COG5: variants seen among roughly 807,000 people sequenced by gnomAD.
COG5 encodes conserved oligomeric Golgi complex subunit 5.
A neutral mutation model predicts 110.4 loss-of-function variants in COG5; 86 were observed. That is an observed-to-expected ratio of 0.78 (90% CI 0.65 to 0.93). COG5 has a LOEUF of 0.93. Among genes scored for constraint, COG5 ranks in the 40% least tolerant of loss-of-function variants. The pLI is 0.00. For missense variants in COG5, 1,077 were observed against 987.0 expected (o/e 1.09, Z -1.22); for synonymous variants, 360 against 334.6 (o/e 1.08, Z -0.83).
chr7:107,222,446 C>T (rs1345757893), intron 19 of COG5, among the ~76,000 whole-genome samples: 1 of 152,150 alleles, frequency 6.6e-6, no homozygotes, highest in South Asian at 2.1e-4. Flanking sequence ...CCTCGTGATC[C>T]GCCCACCTCG....
At chr7:107,381,660 C>A (rs772803321) in intron 7 of COG5, among the ~76,000 whole-genome samples, 5 of 152,050 alleles carry the variant, frequency 3.3e-5, no homozygotes, top group East Asian at 3.8e-4. Context: ...TTGGAGATTG[C>A]GACATTGGAA....
At chr7:107,539,141 A>T (rs965580469) in intron 5 of COG5, among the ~76,000 whole-genome samples, 1 of 152,156 alleles carries the variant, frequency 6.6e-6, no homozygotes, top group African/African-American at 2.4e-5. Context: ...AAAAAAAATT[A>T]GCTGGGCATG....
intron 6 of COG5, among the ~76,000 whole-genome samples, chr7:107,427,658 CCTGCCA>C (rs1793738660): frequency 6.6e-6 from 1 of 151,980 alleles, no homozygotes; most frequent in Non-Finnish European, 1.5e-5. Context: ...CAGCCCCAGG[CCTGCCA>C]CTGGAGACAT....
intron 5 of COG5, among the ~76,000 whole-genome samples, chr7:107,546,115 C>T (rs1355229546): frequency 6.6e-6 from 1 of 152,030 alleles, no homozygotes; most frequent in Non-Finnish European, 1.5e-5. Context: ...AAACAACATG[C>T]TTATGAGCAA....
rs1306133580 is a variant in COG5 at position 107,365,865 on chromosome 7, GT to G, written c.836-3446del. ...AAAAGAAGTAACAAACTGGTCAATG[GT>G]TATTGTAGACAACAAACCTAAATTA... On this transcript the variant is annotated intron_variant, in intron 8 of 21. Coordinates refer to ENST00000297135, the MANE Select transcript of COG5 (RefSeq NM_006348.5). Among the ~76,000 whole-genome samples the G allele has an allele frequency of 2.0e-5, 3 of 152,076 alleles. No individual in the cohort carries two copies. In the East Asian group the frequency reaches 5.8e-4, roughly 29 times the overall value.
intron 6 of COG5, among the ~76,000 whole-genome samples, chr7:107,457,946 T>C (rs1422485696): frequency 6.6e-6 from 1 of 151,836 alleles, no homozygotes; most frequent in Non-Finnish European, 1.5e-5. Flanking sequence ...CCACGGTACA[T>C]CACAATGAAA....
At chr7:107,275,039 T>A (rs1804587885) in intron 14 of COG5, among the ~76,000 whole-genome samples, 1 of 152,142 alleles carries the variant, frequency 6.6e-6, no homozygotes, top group Non-Finnish European at 1.5e-5. Flanking sequence ...GCAATCCTTC[T>A]GTCTCGAACT....
chr7:107,373,595 CCA>C (rs934383308), intron 7 of COG5, among the ~76,000 whole-genome samples: 1 of 151,578 alleles, frequency 6.6e-6, no homozygotes, highest in African/African-American at 2.4e-5. Context: ...AGCAAGAAGG[CCA>C]TGATGGAGCA....
At position 107,295,397 on chromosome 7, in the gene COG5, C is replaced by T. The variant is rs74918578; in HGVS notation, c.1313+2745G>A. On this transcript the variant is annotated intron_variant, in intron 12 of 21. Coordinates refer to ENST00000297135, the MANE Select transcript of COG5 (RefSeq NM_006348.5). Reference sequence around the variant, plus strand: ...ACATCCTATATAGTAAGCAACTCTACAGCATTGTTTTATTTGCTTCATAGC... The same window carrying T: ...ACATCCTATATAGTAAGCAACTCTATAGCATTGTTTTATTTGCTTCATAGC... Among the ~76,000 whole-genome samples the T allele has an allele frequency of 7.9e-3, 1,195 of 152,032 alleles. 16 individuals are homozygous for T. The highest frequency in any genetic ancestry group is 0.025 in the African/African-American group (1,043 of 41,460).
At chr7:107,260,963 G>GT (rs149696639) in intron 14 of COG5, among the ~76,000 whole-genome samples, 3,285 of 140,482 alleles carry the variant, frequency 0.023, 55 homozygotes, top group Admixed American at 0.037. Flanking sequence ...GTTTGTTTTT[G>GT]TTTTTTTTTT....
chr7:107,431,357 G>A (rs957367544), intron 6 of COG5, among the ~76,000 whole-genome samples: 10 of 152,112 alleles, frequency 6.6e-5, no homozygotes, highest in Non-Finnish European at 1.3e-4. Context: ...AAAACAGGCA[G>A]ACAAAAAATC....
At chr7:107,391,759 G>A (rs1790639812) in intron 7 of COG5, among the ~76,000 whole-genome samples, 1 of 152,154 alleles carries the variant, frequency 6.6e-6, no homozygotes, top group Non-Finnish European at 1.5e-5. Context: ...ACCAAAGTTT[G>A]AGAACCACTA....
intron 6 of COG5, among the ~76,000 whole-genome samples, chr7:107,447,613 T>C (rs1185017957): frequency 1.3e-5 from 2 of 152,208 alleles, no homozygotes; most frequent in African/African-American, 4.8e-5. Context: ...TTAGAGGCTA[T>C]AGGCATTATA....
chr7:107,482,864 T>C (rs1321903900), intron 6 of COG5, among the ~76,000 whole-genome samples: 1 of 152,176 alleles, frequency 6.6e-6, no homozygotes, highest in East Asian at 1.9e-4. Flanking sequence ...ATGGCTACTA[T>C]TTTTCATAAA....
chr7:107,530,900 C>G (rs963464764), intron 5 of COG5, among the ~76,000 whole-genome samples: 2 of 152,008 alleles, frequency 1.3e-5, no homozygotes, highest in Admixed American at 6.6e-5. Flanking sequence ...AGATACACAG[C>G]TAAAGGAACT....
At chr7:107,524,010 T>C (rs1317302007) in intron 6 of COG5, among the ~76,000 whole-genome samples, 2 of 152,144 alleles carry the variant, frequency 1.3e-5, no homozygotes, top group Admixed American at 6.5e-5. Context: ...TAATTTATAA[T>C]ATTAAAAAAT....
chr7:107,335,509 A>G (rs1446384507), intron 10 of COG5, among the ~76,000 whole-genome samples: 1 of 152,238 alleles, frequency 6.6e-6, no homozygotes, highest in Non-Finnish European at 1.5e-5. Context: ...ATACTATCAG[A>G]CAAAAATTAC....
At chr7:107,281,523 C>G in intron 13 of COG5, 124 bp from the exon 14 acceptor site, 2 of 749,232 alleles carry the variant, frequency 2.7e-6, no homozygotes, top group South Asian at 1.5e-5. Flanking sequence ...TCACTGCTTC[C>G]AAGAACTGGT....
chr7:107,320,258 T>C (rs1477555524), intron 11 of COG5, among the ~76,000 whole-genome samples: 1 of 152,212 alleles, frequency 6.6e-6, no homozygotes, highest in African/African-American at 2.4e-5. Flanking sequence ...CTTATACTAT[T>C]TTAAATATTT....
Sources: gnomAD v4.1 joint callset for allele counts (sites outside exome capture counted in the v4.1 genomes callset) on GRCh38, gnomAD v4.1.1 for gene constraint, MANE v1.5 for transcripts, NCBI Gene and HGNC (gene_info 2026-07-23, HGNC 2026-07-21) for gene names.